PPP1R21: variants seen among roughly 807,000 people sequenced by gnomAD.
PPP1R21 encodes KLRAQ motif containing 1.
Under a neutral mutation model 112.8 loss-of-function variants are expected in PPP1R21, and 85 were observed. The ratio of observed to expected loss-of-function variants is 0.75; its 90% CI spans 0.63 to 0.90. The LOEUF (loss-of-function observed/expected upper bound fraction) is 0.90. Among genes scored for constraint, PPP1R21 ranks in the 40% least tolerant of loss-of-function variants. The pLI is 0.00. For synonymous variants in PPP1R21, 381 were observed against 322.3 expected (o/e 1.18, Z -1.95); for missense variants, 1,199 against 901.5 (o/e 1.33, Z -4.23).
chr2:48,448,395 C>T (rs538346504), intron 1 of PPP1R21, among the ~76,000 whole-genome samples: 2 of 152,072 alleles, frequency 1.3e-5, no homozygotes, highest in Admixed American at 6.5e-5. Context: ...CTGCAGTGTG[C>T]CTTAGAAATG....
At chr2:48,508,660 G>A (rs1393966900) in intron 19 of PPP1R21, among the ~76,000 whole-genome samples, 2 of 152,194 alleles carry the variant, frequency 1.3e-5, no homozygotes, top group African/African-American at 4.8e-5. Flanking sequence ...TCTCAGACTT[G>A]ATTGTCCTTT....
Position 48,454,709 on chromosome 2 carries a change from G to C in PPP1R21, c.241G>C (p.Ala81Pro). Residue 81 changes from alanine to proline, a missense_variant, in exon 3 of 22, where the codon GCT becomes CCT. Coordinates refer to ENST00000294952, the MANE Select transcript of PPP1R21 (RefSeq NM_001135629.3). Reference protein sequence around the residue: ...KRVELLQDELALSEPRGKKNK... With the variant: ...KRVELLQDELPLSEPRGKKNK... Reference sequence around the variant, plus strand: ...GGTAGAACTACTTCAAGATGAACTAGCTCTAAGTGAACCACGAGGCAAGAA... The same window carrying C: ...GGTAGAACTACTTCAAGATGAACTACCTCTAAGTGAACCACGAGGCAAGAA... 1 of 1,614,120 alleles carries C rather than the reference G, an allele frequency of 6.2e-7. No individual in the cohort carries two copies. The highest frequency in any genetic ancestry group is 8.5e-7 in the Non-Finnish European group (1 of 1,179,994).
Position 48,492,900 on chromosome 2 carries a change from C to G in PPP1R21, c.1599+1730C>G, listed in dbSNP as rs571002966. ...TATTTATCAATCTCAGGAGAGGTTT[C>G]TTGCTGTTGTTTTGGTTCATATGTA... is the stretch of plus-strand genomic sequence containing the variant. On this transcript the variant is annotated intron_variant, in intron 15 of 21. Transcript: ENST00000294952. 4.7e-5 allele frequency among the ~76,000 whole-genome samples: 7 copies of G among 150,398 alleles called. No homozygotes were observed. In the South Asian group the frequency reaches 6.3e-4, roughly 13 times the overall value.
intron 20 of PPP1R21, 70 bp from the exon 21 acceptor site, chr2:48,511,270 T>C: frequency 6.8e-7 from 1 of 1,478,380 alleles, no homozygotes; most frequent in Non-Finnish European, 9.1e-7. Flanking sequence ...TTTTCTTTTG[T>C]GAATTAAAAA....
chr2:48,511,588 G>GC (rs899437539), intron 21 of PPP1R21, 120 bp downstream of exon 21: 1 of 1,257,990 alleles, frequency 7.9e-7, no homozygotes, highest in African/African-American at 1.5e-5. Context: ...AGGGCCAGGG[G>GC]CAGTGGCTTA....
chr2:48,496,393 G>A (rs1055691205), intron 16 of PPP1R21, among the ~76,000 whole-genome samples: 2 of 151,930 alleles, frequency 1.3e-5, no homozygotes, highest in East Asian at 3.9e-4. Flanking sequence ...TTCTAGAGGT[G>A]TTGCCCCATA....
intron 13 of PPP1R21, 77 bp downstream of exon 13, chr2:48,480,093 A>T: frequency 1.0e-6 from 1 of 996,182 alleles, no homozygotes; most frequent in Non-Finnish European, 1.6e-6. Context: ...ATTTAAACAA[A>T]CACTGCCAAG....
Position 48,464,971 on chromosome 2 carries a change from C to A in PPP1R21, c.729C>A (p.Leu243=). The A allele has an allele frequency of 6.4e-7, 1 of 1,558,704 alleles. No individual in the cohort carries two copies. The highest frequency in any genetic ancestry group is 1.4e-5 in the African/African-American group (1 of 70,312). The part of the protein sequence containing the change: ...YSQYNALNVP[L]HNRRHQLKMR... ...AGTACAACGCTCTGAACGTTCCACT[C>A]CACAATAGGAGACACCAGGTAAAGG... The change falls in exon 8 of 22, where the codon CTC becomes CTA. Residue 243 remains leucine, a synonymous_variant. Transcript: ENST00000294952.
intron 1 of PPP1R21, chr2:48,441,475 A>G (rs1033233889): frequency 4.7e-6 from 1 of 211,356 alleles, no homozygotes. Flanking sequence ...GAGAGGGTAA[A>G]TAGAGACATT....
At chr2:48,486,532 A>C in intron 13 of PPP1R21, 99 bp from the exon 14 acceptor site, 1 of 900,470 alleles carries the variant, frequency 1.1e-6, no homozygotes, top group Non-Finnish European at 1.7e-6. Flanking sequence ...AATTTACTTT[A>C]TAAATTTAGA....
At chr2:48,481,961 A>G (rs1169862626) in intron 13 of PPP1R21, among the ~76,000 whole-genome samples, 8 of 152,220 alleles carry the variant, frequency 5.3e-5, no homozygotes, top group Non-Finnish European at 1.2e-4. Flanking sequence ...CTATATGTAT[A>G]AGGTATATAT....
At chr2:48,483,625 A>G (rs975863593) in intron 13 of PPP1R21, among the ~76,000 whole-genome samples, 1 of 152,218 alleles carries the variant, frequency 6.6e-6, no homozygotes, top group Admixed American at 6.5e-5. Context: ...TAGTGCACAT[A>G]GTATTTTACC....
chr2:48,457,963 A>G (rs1446356154), intron 3 of PPP1R21, 163 bp from the exon 4 acceptor site: 3 of 598,676 alleles, frequency 5.0e-6, no homozygotes, highest in Admixed American at 2.2e-5. Flanking sequence ...CTTGTGTCAC[A>G]TAGGAAAAGT....
Position 48,458,161 on chromosome 2 carries a change from G to A in PPP1R21, c.309G>A (p.Glu103=). Reference sequence around the variant, plus strand: ...AATCTTCTTCTCAGTTGAGTCAAGAGCAGAAGAGTGTCTTTGATGAAGATC... The same window carrying A: ...AATCTTCTTCTCAGTTGAGTCAAGAACAGAAGAGTGTCTTTGATGAAGATC... ...SGESSSQLSQ[E]QKSVFDEDLQ... The change falls in exon 4 of 22, where the codon GAG becomes GAA. Residue 103 remains glutamate, a synonymous_variant. Coordinates refer to ENST00000294952, the MANE Select transcript of PPP1R21 (RefSeq NM_001135629.3). The A allele has an allele frequency of 6.2e-6, 10 of 1,612,378 alleles. No individual in the cohort carries two copies. The highest frequency in any genetic ancestry group is 8.5e-6 in the Non-Finnish European group (10 of 1,178,866).
chr2:48,457,936 A>G (rs1185643441), intron 3 of PPP1R21, 190 bp from the exon 4 acceptor site: 10 of 555,510 alleles, frequency 1.8e-5, no homozygotes, highest in East Asian at 4.1e-5. Context: ...TGCTCCTTAC[A>G]ATATTTGCAG....
intron 1 of PPP1R21, among the ~76,000 whole-genome samples, chr2:48,449,148 A>G (rs909890988): frequency 6.6e-6 from 1 of 152,168 alleles, no homozygotes; most frequent in African/African-American, 2.4e-5. Flanking sequence ...ACCCATATCA[A>G]TCAAGGTGTA....
rs568667210 is a variant in PPP1R21, at chr2:48,460,351, G to T, written c.599+198G>T. Among the ~76,000 whole-genome samples the T allele has an allele frequency of 1.1e-3, 164 of 152,274 alleles. 1 individual carries two copies. Among genetic ancestry groups the T allele is most frequent in the African/African-American group, 3.5e-3 (147 of 41,556 alleles). ...AGAGTGGCCTGTGTATTAGTTCTCA[G>T]CCTGCAAGGGTTTGGGGCTGTGGCA... On this transcript the variant is annotated intron_variant, in intron 6 of 21. Coordinates refer to ENST00000294952, the MANE Select transcript of PPP1R21 (RefSeq NM_001135629.3).
intron 18 of PPP1R21, among the ~76,000 whole-genome samples, chr2:48,505,800 A>G (rs752811628): frequency 6.6e-6 from 1 of 152,220 alleles, no homozygotes; most frequent in Non-Finnish European, 1.5e-5. Context: ...TCACCAACAA[A>G]TTATAGCCTG....
chr2:48,468,831 G>GTGTA (rs1272503811), intron 9 of PPP1R21, among the ~76,000 whole-genome samples: 5 of 109,588 alleles, frequency 4.6e-5, no homozygotes, highest in Non-Finnish European at 1.0e-4. Context: ...AAAAATGTAT[G>GTGTA]TGTGTGTGTG....
Sources: allele counts gnomAD v4.1 joint callset (sites outside exome capture counted in the v4.1 genomes callset), GRCh38; gene constraint gnomAD v4.1.1; transcripts MANE v1.5; gene names NCBI Gene and HGNC (gene_info 2026-07-23, HGNC 2026-07-21).